The following FBRSL1 variants were observed in gnomAD, a reference collection of about 807,000 sequenced individuals.
FBRSL1 encodes the protein fibrosin like 1, also known as fibrosin-1-like protein.
Under a neutral mutation model 89.6 loss-of-function variants are expected in FBRSL1, and 51 were observed. The observed-to-expected ratio is 0.57, with a 90% CI of 0.45 to 0.72. The LOEUF (loss-of-function observed/expected upper bound fraction) is 0.72. Ranked by LOEUF, FBRSL1 falls within the 30% of genes least tolerant of loss-of-function variation. FBRSL1 has a pLI of 0.00. For synonymous variants in FBRSL1, 779 were observed against 681.1 expected, an observed-to-expected ratio of 1.14 and a Z score of -2.24; for missense variants, 1,618 against 1,451.8, an observed-to-expected ratio of 1.11 and a Z score of -1.86.
chr12:132,575,557 C>T (rs1480978521), intron 14 of FBRSL1, among the ~76,000 whole-genome samples: 1 of 152,258 alleles, frequency 6.6e-6, no homozygotes, highest in Non-Finnish European at 1.5e-5. Flanking sequence ...ACTTGCATGT[C>T]TGGGTGGAAC....
intron 1 of FBRSL1, among the ~76,000 whole-genome samples, chr12:132,495,868 T>C (rs2031933939): frequency 6.6e-6 from 1 of 152,254 alleles, no homozygotes; most frequent in African/African-American, 2.4e-5. Context: ...GGCTTGCACC[T>C]GGCCTGCTTT....
intron 4 of FBRSL1, among the ~76,000 whole-genome samples, chr12:132,545,738 C>A (rs932721960): frequency 3.3e-5 from 5 of 152,228 alleles, no homozygotes; most frequent in African/African-American, 1.2e-4. Context: ...GCAGGTGGCC[C>A]CCAGGCCACG....
intron 5 of FBRSL1, among the ~76,000 whole-genome samples, chr12:132,549,410 C>T (rs1301658623): frequency 5.3e-5 from 8 of 152,190 alleles, no homozygotes; most frequent in South Asian, 4.1e-4. Context: ...ACAGCTTCCG[C>T]GCCCGAACCG....
At chr12:132,501,553 C>T (rs955315792) in intron 1 of FBRSL1, among the ~76,000 whole-genome samples, 4 of 152,194 alleles carry the variant, frequency 2.6e-5, no homozygotes, top group African/African-American at 4.8e-5. Flanking sequence ...TCACTGCTGT[C>T]ATGAGTTCAC....
intron 5 of FBRSL1, chr12:132,565,029 C>G (rs1385698368): frequency 6.6e-6 from 1 of 152,184 alleles, no homozygotes; most frequent in Non-Finnish European, 1.5e-5. Flanking sequence ...AGTCACAGGT[C>G]GTGTTACAGA....
intron 5 of FBRSL1, chr12:132,565,862 C>T (rs1262872719): frequency 1.3e-5 from 2 of 152,192 alleles, no homozygotes; most frequent in African/African-American, 2.4e-5. Context: ...CATGGAAGTT[C>T]GGAAAAGACG....
intron 5 of FBRSL1, among the ~76,000 whole-genome samples, chr12:132,549,791 G>A (rs752631874): frequency 6.6e-6 from 1 of 152,348 alleles, no homozygotes; most frequent in African/African-American, 2.4e-5. Flanking sequence ...GCCAGCCTCC[G>A]AGACCCAAAC....
intron 1 of FBRSL1, among the ~76,000 whole-genome samples, chr12:132,491,977 C>G (rs909935745): frequency 3.3e-5 from 5 of 152,236 alleles, no homozygotes; most frequent in Non-Finnish European, 7.3e-5. Flanking sequence ...ATCCTCTGTC[C>G]TGCACATTAT....
intron 5 of FBRSL1, chr12:132,551,029 C>T (rs1173495051): frequency 7.7e-6 from 2 of 259,082 alleles, no homozygotes; most frequent in Non-Finnish European, 1.6e-5. Context: ...TCCCTACCCG[C>T]TGGGAGCAGA....
intron 2 of FBRSL1, chr12:132,510,898 G>A (rs1280195962): frequency 2.6e-5 from 26 of 1,005,626 alleles, no homozygotes; most frequent in Non-Finnish European, 3.1e-5. Context: ...GTGCACGCTT[G>A]CCCCTGGCGT....
intron 1 of FBRSL1, among the ~76,000 whole-genome samples, chr12:132,494,733 C>T (rs185350875): frequency 2.6e-5 from 4 of 152,238 alleles, no homozygotes; most frequent in Admixed American, 2.0e-4. Context: ...TAAGAAGGTG[C>T]GTGCTGAAGC....
intron 5 of FBRSL1, chr12:132,552,804 CG>C (rs2038301247): frequency 6.3e-6 from 1 of 159,892 alleles, no homozygotes; most frequent in Non-Finnish European, 1.4e-5. Flanking sequence ...AGGCCCCTGC[CG>C]TGGACACTCA....
chr12:132,529,887 C>T (rs944576221), intron 4 of FBRSL1, among the ~76,000 whole-genome samples: 3 of 152,248 alleles, frequency 2.0e-5, no homozygotes, highest in African/African-American at 7.2e-5. Context: ...CAGCTGCCTG[C>T]CCAAGGGCCC....
intron 14 of FBRSL1, 119 bp from the exon 15 acceptor site, chr12:132,576,680 C>A: frequency 8.5e-7 from 1 of 1,175,950 alleles, no homozygotes; most frequent in Non-Finnish European, 1.2e-6. Flanking sequence ...GAAATCCATC[C>A]CACCTGCTCC....
intron 1 of FBRSL1, among the ~76,000 whole-genome samples, chr12:132,494,533 G>A (rs1159791814): frequency 1.3e-5 from 2 of 152,240 alleles, no homozygotes; most frequent in Admixed American, 6.5e-5. Flanking sequence ...CAGTGACGCT[G>A]GCCATGGTGC....
chr12:132,512,016 C>T (rs1221391287), intron 2 of FBRSL1: 1 of 985,260 alleles, frequency 1.0e-6, no homozygotes, highest in Non-Finnish European at 1.2e-6. Flanking sequence ...CCACAAAGGG[C>T]TTTTGTGCTG....
In FBRSL1 at chr12:132,508,167, G is replaced by A; in HGVS notation, c.306G>A (p.Leu102=). Residue 102 remains leucine, a synonymous_variant, in exon 2 of 19, where the codon CTG becomes CTA. Transcript: ENST00000680143. ...TCTCCCTGCAGAAGGATATGGCCCT[G>A]AAGCCACATGAGCGGAAGGAGAAGT... ...TLEALEKDMA[L]KPHERKEKWE... The A allele has an allele frequency of 6.4e-7, 1 of 1,551,164 alleles. No homozygotes were observed. Among genetic ancestry groups the A allele is most frequent in the African/African-American group, 1.4e-5 (1 of 73,184 alleles).
intron 2 of FBRSL1, among the ~76,000 whole-genome samples, chr12:132,514,942 G>C (rs1009660012): frequency 1.3e-4 from 19 of 151,904 alleles, no homozygotes; most frequent in African/African-American, 4.6e-4. Context: ...TTTTTGTAGA[G>C]TCTGGGAAAG....
At position 132,581,950 on chromosome 12, in the gene FBRSL1, C is replaced by T. The variant is rs575212325; in HGVS notation, c.1997-112C>T. The T allele has an allele frequency of 1.6e-5, 21 of 1,285,090 alleles. No homozygotes were observed. In the African/African-American group the frequency reaches 2.4e-4, roughly 15 times the overall value. The allele number at this position is 1,285,090 out of a possible 1,614,324, so 79.6% of individuals were successfully genotyped here. A position where few individuals can be genotyped will look rare whatever the true frequency, so the allele number is the denominator to read the frequency against. On this transcript the variant is annotated intron_variant, in intron 17 of 18. Coordinates refer to ENST00000680143, the MANE Select transcript of FBRSL1 (RefSeq NM_001367871.1). Reference sequence around the variant, plus strand: ...CTCTGGGCTGGGCCTCCTTGGGGCACCCCCTTCTCAGTGTCAGCCTGGGAC... The same window carrying T: ...CTCTGGGCTGGGCCTCCTTGGGGCATCCCCTTCTCAGTGTCAGCCTGGGAC...
Sources: allele counts gnomAD v4.1 joint callset (sites outside exome capture counted in the v4.1 genomes callset), GRCh38; gene constraint gnomAD v4.1.1; transcripts MANE v1.5; gene names NCBI Gene and HGNC (gene_info 2026-07-23, HGNC 2026-07-21).